The following ELAPOR2 variants were observed in gnomAD, a reference collection of about 807,000 sequenced individuals.
ELAPOR2 encodes the protein endosome-lysosome associated apoptosis and autophagy regulator family member 2, also known as endosome/lysosome-associated apoptosis and autophagy regulator family member 2.
Under a neutral mutation model 120.7 loss-of-function variants are expected in ELAPOR2, and 89 were observed. That is an observed-to-expected ratio of 0.74 (90% CI 0.62 to 0.88). The LOEUF (loss-of-function observed/expected upper bound fraction) is 0.88, where lower values mean the gene tolerates loss of function less well. Among genes scored for constraint, ELAPOR2 ranks in the 40% least tolerant of loss-of-function variants. The probability of loss-of-function intolerance (pLI) is 0.00; values close to 1 mark genes in which losing one functional copy is unlikely to be tolerated. For synonymous variants in ELAPOR2, 444 were observed against 444.9 expected (o/e 1.00, Z 0.03); for missense variants, 1,134 against 1,251.6 (o/e 0.91, Z 1.42).
chr7:87,009,764 A>G (rs1793595031), intron 1 of ELAPOR2, among the ~76,000 whole-genome samples: 2 of 152,188 alleles, frequency 1.3e-5, no homozygotes, highest in African/African-American at 4.8e-5. Context: ...AAGCAGGCTA[A>G]TAAGTATTTA....
intron 18 of ELAPOR2, among the ~76,000 whole-genome samples, chr7:86,900,120 A>C (rs79360121): frequency 0.01 from 1,581 of 152,236 alleles, 17 homozygotes; most frequent in Middle Eastern, 0.024. Context: ...ATTATCCTAC[A>C]TTTTGTTTTC....
At chr7:86,880,574 C>T (rs766237406) in intron 21 of ELAPOR2, 44 bp from the exon 22 acceptor site, 12 of 1,277,514 alleles carry the variant, frequency 9.4e-6, no homozygotes, top group African/African-American at 5.9e-5. Context: ...CTGAAATTCT[C>T]GTAAGATTTT....
At chr7:86,987,986 G>A (rs1485986278) in intron 1 of ELAPOR2, among the ~76,000 whole-genome samples, 1 of 152,094 alleles carries the variant, frequency 6.6e-6, no homozygotes, top group Non-Finnish European at 1.5e-5. Flanking sequence ...AGAAAATGTG[G>A]CACATATACA....
intron 1 of ELAPOR2, among the ~76,000 whole-genome samples, chr7:87,046,215 A>G (rs1386106238): frequency 1.3e-5 from 2 of 152,222 alleles, no homozygotes; most frequent in Non-Finnish European, 2.9e-5. Context: ...AATAGCCATG[A>G]ATAAAATACC....
At chr7:86,933,925 C>T (rs1049598125) in intron 8 of ELAPOR2, among the ~76,000 whole-genome samples, 2 of 151,956 alleles carry the variant, frequency 1.3e-5, no homozygotes, top group African/African-American at 2.4e-5. Flanking sequence ...TGAGTTCAAA[C>T]ATCAAACACT....
intron 21 of ELAPOR2, 152 bp downstream of exon 21, chr7:86,891,572 A>C (rs1788160953): frequency 3.4e-6 from 2 of 583,942 alleles, no homozygotes; most frequent in African/African-American, 3.8e-5. Flanking sequence ...TATTGTATCT[A>C]TATCATGTGC....
intron 1 of ELAPOR2, among the ~76,000 whole-genome samples, chr7:87,049,922 A>G (rs1795054456): frequency 6.6e-6 from 1 of 152,190 alleles, no homozygotes; most frequent in African/African-American, 2.4e-5. Context: ...TATATGGCTG[A>G]TGGCATTACT....
intron 6 of ELAPOR2, among the ~76,000 whole-genome samples, chr7:86,939,462 C>T (rs1201209362): frequency 1.3e-5 from 2 of 151,986 alleles, no homozygotes; most frequent in African/African-American, 2.4e-5. Context: ...CATATTAAAA[C>T]GTAAGCCAAA....
intron 2 of ELAPOR2, among the ~76,000 whole-genome samples, chr7:86,957,641 C>A (rs1233046301): frequency 6.6e-6 from 1 of 152,100 alleles, no homozygotes; most frequent in African/African-American, 2.4e-5. Context: ...GAGGATATAG[C>A]AACAAACATC....
chr7:87,026,438 A>G (rs1794246896), intron 1 of ELAPOR2, among the ~76,000 whole-genome samples: 1 of 151,708 alleles, frequency 6.6e-6, no homozygotes, highest in Non-Finnish European at 1.5e-5. Flanking sequence ...TTTAAAGTAT[A>G]CAAAGTTAGG....
intron 1 of ELAPOR2, among the ~76,000 whole-genome samples, chr7:87,003,183 C>T (rs1793371448): frequency 6.6e-6 from 1 of 152,062 alleles, no homozygotes; most frequent in African/African-American, 2.4e-5. Flanking sequence ...TAACCCTGCC[C>T]TACATTTTTA....
chr7:86,897,586 A>C lies in ELAPOR2; in HGVS notation c.2605T>G (p.Trp869Gly). 1.2e-6 allele frequency: 2 copies of C among 1,613,356 alleles called. No homozygotes were observed. The highest frequency in any genetic ancestry group is 2.2e-5 in the South Asian group (2 of 91,068). The change falls in exon 19 of 22, where the codon TGG (tryptophan) becomes GGG (glycine). Residue 869 changes from tryptophan to glycine, a missense_variant. Coordinates refer to ENST00000450689, the MANE Select transcript of ELAPOR2 (RefSeq NM_001142749.3). ...AGAGGGCAAGCTTCAGCACTCTCCC[A>C]CAGGAAATAGAACGTACACCCATCA... is the stretch of plus-strand genomic sequence containing the variant. ...TCDGCTFYFL[W>G]ESAEACPLCT...
intron 1 of ELAPOR2, among the ~76,000 whole-genome samples, chr7:86,990,091 G>A (rs951845648): frequency 6.6e-6 from 1 of 151,748 alleles, no homozygotes; most frequent in Non-Finnish European, 1.5e-5. Flanking sequence ...CTGTCCCCCA[G>A]GCTGGAGTGC....
intron 1 of ELAPOR2, among the ~76,000 whole-genome samples, chr7:86,969,627 A>C (rs1792038174): frequency 6.6e-6 from 1 of 152,146 alleles, no homozygotes; most frequent in African/African-American, 2.4e-5. Flanking sequence ...AACACACACA[A>C]AAAACATAAA....
chr7:86,935,543 C>T (rs1790525432), intron 8 of ELAPOR2, among the ~76,000 whole-genome samples: 1 of 151,848 alleles, frequency 6.6e-6, no homozygotes, highest in South Asian at 2.1e-4. Context: ...GAGTCTAGAC[C>T]AGTGGTTCTC....
intron 1 of ELAPOR2, among the ~76,000 whole-genome samples, chr7:86,975,120 T>TA (rs1461496065): frequency 6.6e-6 from 1 of 152,222 alleles, no homozygotes; most frequent in African/African-American, 2.4e-5. Context: ...ACAGCACAGT[T>TA]CGCTGACTTC....
intron 1 of ELAPOR2, among the ~76,000 whole-genome samples, chr7:86,966,657 G>A (rs528861095): frequency 3.3e-5 from 5 of 152,246 alleles, no homozygotes; most frequent in South Asian, 2.1e-4. Flanking sequence ...CATAACAGCC[G>A]TAATAAATTA....
chr7:87,034,117 C>T (rs1276915284), intron 1 of ELAPOR2, among the ~76,000 whole-genome samples: 1 of 151,988 alleles, frequency 6.6e-6, no homozygotes, highest in Non-Finnish European at 1.5e-5. Flanking sequence ...CATTTTGTAA[C>T]CATATGTGTA....
intron 7 of ELAPOR2, 122 bp from the exon 8 acceptor site, chr7:86,938,336 G>A (rs1240015895): frequency 1.2e-5 from 8 of 675,094 alleles, no homozygotes; most frequent in African/African-American, 1.1e-4. Flanking sequence ...GGCAATTTAG[G>A]TAGAACTACC....
Sources: allele counts gnomAD v4.1 joint callset (sites outside exome capture counted in the v4.1 genomes callset), GRCh38; gene constraint gnomAD v4.1.1; transcripts MANE v1.5; gene names NCBI Gene and HGNC (gene_info 2026-07-23, HGNC 2026-07-21).